GAB2: variants seen among roughly 807,000 people sequenced by gnomAD.
The protein encoded by GAB2 is GRB2-associated-binding protein 2.
A neutral mutation model predicts 65.5 loss-of-function variants in GAB2; 26 were observed. That is an observed-to-expected ratio of 0.40 (90% CI 0.29 to 0.55). The LOEUF is 0.55. GAB2 is among the 20% of genes least tolerant of loss of function. The pLI is 0.53. For synonymous variants in GAB2, 321 were observed against 329.6 expected (o/e 0.97, Z 0.28); for missense variants, 884 against 875.8 (o/e 1.01, Z -0.12).
intron 1 of GAB2, among the ~76,000 whole-genome samples, chr11:78,305,888 C>T (rs1187262619): frequency 6.6e-6 from 1 of 152,258 alleles, no homozygotes; most frequent in East Asian, 1.9e-4. Flanking sequence ...GCAAGCATTG[C>T]CCATGCTCAA....
chr11:78,358,110 C>T (rs571030273), intron 1 of GAB2, among the ~76,000 whole-genome samples: 1 of 152,112 alleles, frequency 6.6e-6, no homozygotes, highest in African/African-American at 2.4e-5. Context: ...GAATACTATG[C>T]AGCCATAAAA....
chr11:78,372,334 C>T (rs1435654159), intron 1 of GAB2, among the ~76,000 whole-genome samples: 4 of 152,162 alleles, frequency 2.6e-5, no homozygotes, highest in African/African-American at 9.7e-5. Flanking sequence ...AGATGTGAAT[C>T]GTAGCTCCAA....
chr11:78,323,765 C>G (rs1306531016), intron 1 of GAB2, among the ~76,000 whole-genome samples: 1 of 149,790 alleles, frequency 6.7e-6, no homozygotes, highest in African/African-American at 2.5e-5. Flanking sequence ...TGGAACAAAC[C>G]TACACGTGTA....
At chr11:78,293,364 G>C (rs924432821) in intron 1 of GAB2, among the ~76,000 whole-genome samples, 4 of 152,136 alleles carry the variant, frequency 2.6e-5, no homozygotes, top group African/African-American at 9.7e-5. Context: ...CACAGGACTT[G>C]ATACTTCCAA....
intron 1 of GAB2, among the ~76,000 whole-genome samples, chr11:78,291,565 T>TC (rs1866680703): frequency 1.1e-5 from 1 of 92,594 alleles, no homozygotes; most frequent in Non-Finnish European, 2.1e-5. Context: ...CTTTTTCTTT[T>TC]TTTTTTTTTT....
In GAB2 at chr11:78,417,764, G is replaced by A. The variant is rs1440025633; in HGVS notation, c.-44C>T. The A allele has an allele frequency of 4.7e-6, 5 of 1,063,270 alleles. No homozygotes were observed. The highest frequency in any genetic ancestry group is 5.8e-6 in the Non-Finnish European group (5 of 862,032). The allele number at this position is 1,063,270 out of a possible 1,614,324, so 65.9% of individuals were successfully genotyped here. ...CCCGCCGGGTCGCGCGGACGAGGGCGCGGGCTCGGGCAGCTGGGGCAGCGG... is the reference window on the plus strand; with the variant it reads ...CCCGCCGGGTCGCGCGGACGAGGGCACGGGCTCGGGCAGCTGGGGCAGCGG... On this transcript the variant is annotated 5_prime_UTR_variant, in exon 1 of 10. Coordinates refer to ENST00000361507, the MANE Select transcript of GAB2 (RefSeq NM_080491.3).
chr11:78,231,667 T>C (rs568277651), intron 3 of GAB2: 16 of 152,310 alleles, frequency 1.1e-4, no homozygotes, highest in African/African-American at 3.8e-4. Context: ...CTTTTAAAAA[T>C]GGTTTTCTAG....
chr11:78,221,820 G>A (rs1864441496), intron 7 of GAB2, 41 bp from the exon 8 acceptor site: 1 of 1,403,296 alleles, frequency 7.1e-7, no homozygotes, highest in African/African-American at 1.4e-5. Flanking sequence ...GAAGCTGCAT[G>A]GCTGCTGCCA....
intron 1 of GAB2, among the ~76,000 whole-genome samples, chr11:78,360,689 C>T (rs989866603): frequency 4.6e-5 from 7 of 152,058 alleles, no homozygotes; most frequent in African/African-American, 1.7e-4. Context: ...GAAAACCTGT[C>T]TGTACTAAAA....
At chr11:78,398,224 C>G (rs1016472383) in intron 1 of GAB2, among the ~76,000 whole-genome samples, 1 of 152,152 alleles carries the variant, frequency 6.6e-6, no homozygotes, top group Admixed American at 6.5e-5. Context: ...GCTGTCTACC[C>G]GAGAAAATCT....
At chr11:78,353,301 C>T (rs913164868) in intron 1 of GAB2, among the ~76,000 whole-genome samples, 1 of 152,054 alleles carries the variant, frequency 6.6e-6, no homozygotes, top group Non-Finnish European at 1.5e-5. Context: ...ATTAGCTGGG[C>T]ATGGTGGTGT....
At chr11:78,249,779 G>T (rs967713789) in intron 3 of GAB2, among the ~76,000 whole-genome samples, 1 of 152,130 alleles carries the variant, frequency 6.6e-6, no homozygotes, top group African/African-American at 2.4e-5. Flanking sequence ...TAGAGCAAAA[G>T]CAAGGTATGG....
intron 1 of GAB2, among the ~76,000 whole-genome samples, chr11:78,288,732 C>T (rs191276033): frequency 7.2e-5 from 11 of 152,176 alleles, no homozygotes; most frequent in Admixed American, 2.6e-4. Context: ...TTGGACAACT[C>T]GACTTGGTGC....
rs1006460322 is a variant in GAB2, at chr11:78,376,724, A to AG, written c.75+40921dup. Among the ~76,000 whole-genome samples, 5 of 152,222 alleles carry AG rather than the reference A, an allele frequency of 3.3e-5. No individual in the cohort carries two copies. The East Asian group carries it at 7.7e-4, about 24-fold the overall frequency. On this transcript the variant is annotated intron_variant, in intron 1 of 9. Coordinates refer to ENST00000361507, the MANE Select transcript of GAB2 (RefSeq NM_080491.3). The stretch of plus-strand genomic sequence containing the variant: ...TAGGCTCATGATGAGGGAGAGTTGG[A>AG]GGGGGGCACCGAGACTGTGACTAGG...
At chr11:78,298,139 G>A (rs1866892230) in intron 1 of GAB2, among the ~76,000 whole-genome samples, 1 of 152,190 alleles carries the variant, frequency 6.6e-6, no homozygotes, top group Admixed American at 6.5e-5. Context: ...AGGAAGCCCA[G>A]ATAGACTACT....
chr11:78,374,492 C>T (rs1222261115), intron 1 of GAB2, among the ~76,000 whole-genome samples: 2 of 152,180 alleles, frequency 1.3e-5, no homozygotes, highest in Non-Finnish European at 2.9e-5. Flanking sequence ...AGTGCCAATT[C>T]TGCTACTGAC....
intron 1 of GAB2, among the ~76,000 whole-genome samples, chr11:78,310,897 AGG>A (rs1199608848): frequency 6.6e-6 from 1 of 152,154 alleles, no homozygotes; most frequent in Non-Finnish European, 1.5e-5. Flanking sequence ...AAGACCCATT[AGG>A]GAGCTCTCTA....
chr11:78,365,603 C>A (rs1054379446), intron 1 of GAB2, among the ~76,000 whole-genome samples: 1 of 152,132 alleles, frequency 6.6e-6, no homozygotes, highest in African/African-American at 2.4e-5. Flanking sequence ...AGTACAGTCA[C>A]TGATTGGGAT....
At chr11:78,247,995 G>A (rs529476303) in intron 3 of GAB2, among the ~76,000 whole-genome samples, 17 of 152,292 alleles carry the variant, frequency 1.1e-4, no homozygotes, top group Admixed American at 1.3e-4. Context: ...CCTCAGCTGC[G>A]TAAAGTTCTA....
Sources: allele counts gnomAD v4.1 joint callset (sites outside exome capture counted in the v4.1 genomes callset), GRCh38; gene constraint gnomAD v4.1.1; transcripts MANE v1.5; gene names NCBI Gene and HGNC (gene_info 2026-07-23, HGNC 2026-07-21).